LRP6: variants seen among roughly 807,000 people sequenced by gnomAD.
LRP6 encodes the protein low-density lipoprotein receptor-related protein 6.
Under a neutral mutation model 184.1 loss-of-function variants are expected in LRP6, and 43 were observed. The observed-to-expected ratio is 0.23, with a 90% confidence interval of 0.18 to 0.30. The LOEUF is 0.30. LRP6 is among the 10% of genes least tolerant of loss of function. The pLI is 1.00. For synonymous variants in LRP6, 719 were observed against 684.9 expected (o/e 1.05, Z -0.78); for missense variants, 1,571 against 2,005.3 (o/e 0.78, Z 4.14).
At chr12:12,162,089 C>A in intron 10 of LRP6, 104 bp downstream of exon 10, 1 of 903,306 alleles carries the variant, frequency 1.1e-6, no homozygotes. Flanking sequence ...TCTCAGATTC[C>A]TAATACGTAT....
chr12:12,204,801 CAAA>C (rs1302465397), intron 2 of LRP6, among the ~76,000 whole-genome samples: 1 of 107,894 alleles, frequency 9.3e-6, no homozygotes, highest in Non-Finnish European at 2.0e-5. Context: ...ACTAAAAATA[CAAA>C]AAAAAAAAAA....
intron 3 of LRP6, among the ~76,000 whole-genome samples, chr12:12,198,041 C>G (rs75270184): frequency 6.6e-6 from 1 of 152,162 alleles, no homozygotes; most frequent in Non-Finnish European, 1.5e-5. Flanking sequence ...GCCTTAGCCC[C>G]CTGAGTAGCT....
chr12:12,153,852 A>G (rs1950114434), intron 12 of LRP6, among the ~76,000 whole-genome samples: 1 of 152,190 alleles, frequency 6.6e-6, no homozygotes, highest in Admixed American at 6.5e-5. Context: ...TTCTCTTCTG[A>G]AGGCATATGT....
intron 2 of LRP6, among the ~76,000 whole-genome samples, chr12:12,204,927 A>G (rs1262314054): frequency 6.6e-6 from 1 of 151,272 alleles, no homozygotes. Flanking sequence ...AGATCACACC[A>G]TTGCACTCTA....
At chr12:12,199,665 C>T (rs1863860918) in intron 3 of LRP6, among the ~76,000 whole-genome samples, 1 of 151,834 alleles carries the variant, frequency 6.6e-6, no homozygotes, top group African/African-American at 2.4e-5. Flanking sequence ...GAAGATAATT[C>T]AGTAATAAAA....
chr12:12,162,470 T>A, intron 9 of LRP6, 51 bp from the exon 10 acceptor site: 1 of 1,488,758 alleles, frequency 6.7e-7, no homozygotes, highest in Non-Finnish European at 9.4e-7. Flanking sequence ...CTAAACCCTA[T>A]CCAGAAAGAA....
chr12:12,172,436 A>G (rs112358182), intron 7 of LRP6, among the ~76,000 whole-genome samples: 2 of 152,364 alleles, frequency 1.3e-5, no homozygotes, highest in African/African-American at 4.8e-5. Flanking sequence ...CTTGGAATGC[A>G]GCCAGTCTAC....
chr12:12,225,039 T>C lies in LRP6; in HGVS notation c.449+19223A>G, dbSNP rs60887337. 5.9e-3 allele frequency among the ~76,000 whole-genome samples: 902 copies of C among 152,134 alleles called. 7 individuals carry two copies. The highest frequency in any genetic ancestry group is 0.021 in the African/African-American group (861 of 41,490). On this transcript the variant is annotated intron_variant, in intron 2 of 22. Coordinates refer to ENST00000261349, the MANE Select transcript of LRP6 (RefSeq NM_002336.3). The stretch of plus-strand genomic sequence containing the variant: ...GACCAACATGGTTAAACCCCATCTC[T>C]ACTAAAAATACAAAAATTAGCCGGT...
intron 5 of LRP6, 81 bp downstream of exon 5, chr12:12,183,899 A>G (rs938244254): frequency 5.4e-6 from 7 of 1,298,406 alleles, no homozygotes; most frequent in Non-Finnish European, 6.7e-6. Flanking sequence ...AGTATAACCT[A>G]GAGAGCTGAT....
chr12:12,180,116 C>T (rs966409852), intron 6 of LRP6, 135 bp from the exon 7 acceptor site: 103 of 669,502 alleles, frequency 1.5e-4, no homozygotes, highest in Middle Eastern at 9.0e-4. Context: ...AAAAAAAAAA[C>T]ATATGAAGAG....
chr12:12,253,420 T>C (rs949976456), intron 1 of LRP6, among the ~76,000 whole-genome samples: 1 of 152,186 alleles, frequency 6.6e-6, no homozygotes, highest in African/African-American at 2.4e-5. Flanking sequence ...TCTTTCACTT[T>C]TTTTCTTTTT....
chr12:12,124,013 T>C (rs1013522217), intron 22 of LRP6, among the ~76,000 whole-genome samples: 1 of 151,818 alleles, frequency 6.6e-6, no homozygotes, highest in Non-Finnish European at 1.5e-5. Flanking sequence ...CTCCTTAGAA[T>C]ACTGCCAAAG....
rs763390509 is a variant in LRP6, at chr12:12,244,284, T to G, written c.427A>C (p.Ile143Leu). Residue 143 changes from isoleucine (I) to leucine (L), a missense_variant, in exon 2 of 23, where the codon ATT becomes CTT. By Grantham distance (5) the Ile-to-Leu change is conservative. Transcript: ENST00000261349. ...TACCCACTTGAAGGATCTAAGGCAA[T>G]AGCTCTGGGTTGATCCAACTCTTGC... ...FWQELDQPRA[I>L]ALDPSSGFMY... The G allele has an allele frequency of 6.2e-7, 1 of 1,614,030 alleles. No homozygotes were observed. The highest frequency in any genetic ancestry group is 1.3e-5 in the African/African-American group (1 of 74,926).
At chr12:12,126,026 G>T (rs1198785886) in intron 20 of LRP6, among the ~76,000 whole-genome samples, 1 of 152,174 alleles carries the variant, frequency 6.6e-6, no homozygotes, top group East Asian at 1.9e-4. Context: ...TACACCCATA[G>T]TAAGTTCCTA....
At chr12:12,222,283 C>T (rs1864509285) in intron 2 of LRP6, among the ~76,000 whole-genome samples, 1 of 151,906 alleles carries the variant, frequency 6.6e-6, no homozygotes. Flanking sequence ...AGAAAGATCA[C>T]GGCCGGGTGC....
chr12:12,179,726 A>G lies in LRP6; in HGVS notation c.1545+84T>C, dbSNP rs1313640979. On this transcript the variant is annotated intron_variant, in intron 7 of 22. Transcript: ENST00000261349. The stretch of plus-strand genomic sequence containing the variant: ...CACCCCAGACAACTGTTAAGAAAAA[A>G]GAATATCTGTACTCAAATCATTATA... 7 of 1,461,614 alleles carry G rather than the reference A, an allele frequency of 4.8e-6. No individual in the cohort carries two copies. The African/African-American group carries it at 9.8e-5, about 20-fold the overall frequency. 90.5% of individuals were successfully genotyped at this position (1,461,614 alleles called of 1,614,324 possible).
chr12:12,208,594 G>A (rs145351850), intron 2 of LRP6, among the ~76,000 whole-genome samples: 5 of 152,258 alleles, frequency 3.3e-5, no homozygotes, highest in African/African-American at 1.2e-4. Context: ...GAACTCAAAG[G>A]TAAAGACTAG....
chr12:12,233,868 A>C (rs75411415), intron 2 of LRP6, among the ~76,000 whole-genome samples: 3 of 152,140 alleles, frequency 2.0e-5, no homozygotes, highest in Non-Finnish European at 4.4e-5. Context: ...TAAAAAAAAA[A>C]CCAGCCTAAA....
At chr12:12,259,613 C>T (rs754022848) in intron 1 of LRP6, among the ~76,000 whole-genome samples, 1 of 152,054 alleles carries the variant, frequency 6.6e-6, no homozygotes, top group Non-Finnish European at 1.5e-5. Context: ...TACTCACTGC[C>T]GCAAACACGA....
Sources: allele counts gnomAD v4.1 joint callset (sites outside exome capture counted in the v4.1 genomes callset), GRCh38; gene constraint gnomAD v4.1.1; transcripts MANE v1.5; gene names NCBI Gene and HGNC (gene_info 2026-07-23, HGNC 2026-07-21).